Variants in SPIRE1 observed in about 807,000 individuals in gnomAD.
SPIRE1 encodes spire type actin nucleation factor 1.
Under a neutral mutation model 94.1 loss-of-function variants are expected in SPIRE1, and 40 were observed. That is an observed-to-expected ratio of 0.43 (90% CI 0.33 to 0.55). The LOEUF is 0.55. SPIRE1 is among the 20% of genes least tolerant of loss of function. The pLI is 0.06. For missense variants in SPIRE1, 838 were observed against 975.2 expected (o/e 0.86, Z 1.87); for synonymous variants, 376 against 371.7 (o/e 1.01, Z -0.13).
chr18:12,586,146 G>T (rs1320601370), intron 2 of SPIRE1, among the ~76,000 whole-genome samples: 1 of 152,074 alleles, frequency 6.6e-6, no homozygotes, highest in Admixed American at 6.6e-5. Context: ...TAAAGACAGG[G>T]TCTCATTATG....
chr18:12,643,484 A>C (rs1415591624), intron 1 of SPIRE1, among the ~76,000 whole-genome samples: 1 of 152,192 alleles, frequency 6.6e-6, no homozygotes, highest in Non-Finnish European at 1.5e-5. Flanking sequence ...TCTCTTTAGA[A>C]TCTCCTGCCC....
At chr18:12,613,972 T>C (rs937725338) in intron 2 of SPIRE1, among the ~76,000 whole-genome samples, 1 of 150,594 alleles carries the variant, frequency 6.6e-6, no homozygotes, top group Non-Finnish European at 1.5e-5. Flanking sequence ...TAAAATATAT[T>C]ATGAGGGCAA....
At chr18:12,533,758 G>A (rs2034757541) in intron 4 of SPIRE1, among the ~76,000 whole-genome samples, 1 of 152,126 alleles carries the variant, frequency 6.6e-6, no homozygotes, top group South Asian at 2.1e-4. Flanking sequence ...ATAATGCTCT[G>A]GGGAAGGCAA....
chr18:12,640,651 G>T (rs942185445), intron 1 of SPIRE1, among the ~76,000 whole-genome samples: 2 of 152,224 alleles, frequency 1.3e-5, no homozygotes, highest in African/African-American at 4.8e-5. Context: ...GGTCAGGTAA[G>T]ATTCCTCCAA....
intron 10 of SPIRE1, among the ~76,000 whole-genome samples, chr18:12,477,766 C>G (rs941243742): frequency 1.3e-5 from 2 of 152,050 alleles, no homozygotes; most frequent in African/African-American, 2.4e-5. Flanking sequence ...AGGGGCAGAC[C>G]GCAGACACAG....
rs546215083 is a variant in SPIRE1 at position 12,581,128 on chromosome 18, T to TA, written c.373-34225dup. Reference sequence around the variant, plus strand: ...ACTGAGTTTCTAGGCCAAGTAATGATAAAAAAGGACTTGAGAATTCCACAG... The same window carrying TA: ...ACTGAGTTTCTAGGCCAAGTAATGATAAAAAAAGGACTTGAGAATTCCACAG... On this transcript the variant is annotated intron_variant, in intron 2 of 16. Transcript: ENST00000409402. Among the ~76,000 whole-genome samples, 278 of 151,976 alleles carry TA rather than the reference T, an allele frequency of 1.8e-3. 1 individual carries two copies. The highest frequency in any genetic ancestry group is 6.4e-3 in the African/African-American group (267 of 41,446).
intron 3 of SPIRE1, among the ~76,000 whole-genome samples, chr18:12,541,978 CTT>C (rs1164532240): frequency 6.9e-6 from 1 of 144,370 alleles, no homozygotes. Flanking sequence ...ATTAATGAGG[CTT>C]TTTTTTTTTC....
chr18:12,481,391 T>G (rs2032837611), intron 9 of SPIRE1, among the ~76,000 whole-genome samples: 1 of 150,926 alleles, frequency 6.6e-6, no homozygotes, highest in Non-Finnish European at 1.5e-5. Context: ...GGTATATAAG[T>G]GTGTTCTAGT....
At chr18:12,504,220 G>A (rs1307470858) in intron 6 of SPIRE1, among the ~76,000 whole-genome samples, 1 of 147,534 alleles carries the variant, frequency 6.8e-6, no homozygotes, top group Non-Finnish European at 1.5e-5. Flanking sequence ...AAAACCAAGT[G>A]ACGTGGCTGG....
chr18:12,476,586 T>C lies in SPIRE1; in HGVS notation c.1404+3113A>G, dbSNP rs866929084. ...AAAAATATATATATATATATATATA[T>C]ATACACACACACACACACACACATA... On this transcript the variant is annotated intron_variant, in intron 10 of 16. Transcript: ENST00000409402. Among the ~76,000 whole-genome samples the C allele has an allele frequency of 4.3e-3, 509 of 119,732 alleles. 4 individuals carry two copies. Among genetic ancestry groups the C allele is most frequent in the South Asian group, 0.012 (42 of 3,486 alleles). The allele number at this position is 119,732 out of a possible 152,430, so 78.5% of individuals were successfully genotyped here. A position where few individuals can be genotyped will look rare whatever the true frequency, so the allele number is the denominator to read the frequency against.
intron 2 of SPIRE1, among the ~76,000 whole-genome samples, chr18:12,623,436 A>G (rs1378186247): frequency 5.9e-5 from 9 of 152,108 alleles, no homozygotes; most frequent in African/African-American, 2.2e-4. Context: ...TACAGGTGTA[A>G]GCCACTGCGC....
chr18:12,613,612 G>T lies in SPIRE1; in HGVS notation c.372+21450C>A, dbSNP rs77688393. On this transcript the variant is annotated intron_variant, in intron 2 of 16. Coordinates refer to ENST00000409402, the MANE Select transcript of SPIRE1 (RefSeq NM_001128626.2). ...ATAAAATAGCTCATTAATAATTTTC[G>T]TATCTGGCCGGGCACGGTGGCTCAC... 4.9e-3 allele frequency among the ~76,000 whole-genome samples: 746 copies of T among 152,248 alleles called. 5 individuals carry two copies. Among genetic ancestry groups the T allele is most frequent in the African/African-American group, 0.017 (707 of 41,534 alleles).
At chr18:12,466,471 G>A (rs1321247266) in intron 10 of SPIRE1, among the ~76,000 whole-genome samples, 1 of 151,836 alleles carries the variant, frequency 6.6e-6, no homozygotes, top group Non-Finnish European at 1.5e-5. Flanking sequence ...GTGTAGAGAT[G>A]GCGTTTCACC....
intron 8 of SPIRE1, among the ~76,000 whole-genome samples, chr18:12,489,353 T>C (rs970546646): frequency 1.3e-5 from 2 of 152,244 alleles, no homozygotes; most frequent in African/African-American, 4.8e-5. Context: ...TATTACATAT[T>C]ATCACAGCAC....
chr18:12,465,929 T>C (rs1358547006), intron 10 of SPIRE1, among the ~76,000 whole-genome samples: 6 of 151,436 alleles, frequency 4.0e-5, no homozygotes, highest in Admixed American at 3.9e-4. Flanking sequence ...ACTAAAAATA[T>C]AAAAATGAGC....
intron 1 of SPIRE1, among the ~76,000 whole-genome samples, chr18:12,648,407 C>T (rs952929035): frequency 1.3e-5 from 2 of 152,006 alleles, no homozygotes; most frequent in Admixed American, 6.6e-5. Context: ...ATTCTTCCCC[C>T]AAAACTATAA....
chr18:12,529,326 G>A (rs367741106), intron 4 of SPIRE1, among the ~76,000 whole-genome samples: 47 of 150,726 alleles, frequency 3.1e-4, no homozygotes, highest in South Asian at 1.1e-3. Context: ...CTGATATTGC[G>A]CCACTGCACT....
At chr18:12,551,191 T>G (rs568521262) in intron 2 of SPIRE1, among the ~76,000 whole-genome samples, 2 of 152,312 alleles carry the variant, frequency 1.3e-5, no homozygotes, top group African/African-American at 4.8e-5. Flanking sequence ...AGGCCCATAA[T>G]GCTTTGGATC....
At chr18:12,461,519 T>C (rs1251597823) in intron 12 of SPIRE1, among the ~76,000 whole-genome samples, 6 of 106,590 alleles carry the variant, frequency 5.6e-5, no homozygotes, top group East Asian at 3.6e-4. Context: ...CGTACATACA[T>C]ATGTGTGGTA....
Sources: allele counts gnomAD v4.1 joint callset (sites outside exome capture counted in the v4.1 genomes callset), GRCh38; gene constraint gnomAD v4.1.1; transcripts MANE v1.5; gene names NCBI Gene and HGNC (gene_info 2026-07-23, HGNC 2026-07-21).